Variants in SOX6 observed in about 807,000 individuals in gnomAD.
SOX6 encodes the protein SRY-box transcription factor 6.
A neutral mutation model predicts 97.8 loss-of-function variants in SOX6; 11 were observed. The ratio of observed to expected loss-of-function variants is 0.11; its 90% CI spans 0.07 to 0.19. The LOEUF (loss-of-function observed/expected upper bound fraction) is 0.19, where lower values mean the gene tolerates loss of function less well. Ranked by LOEUF, SOX6 falls within the 10% of genes least tolerant of loss-of-function variation. SOX6 has a pLI of 1.00. For synonymous variants in SOX6, 360 were observed against 371.4 expected, an observed-to-expected ratio of 0.97 and a Z score of 0.35; for missense variants, 810 against 1,039.5, an observed-to-expected ratio of 0.78 and a Z score of 3.04.
chr11:16,029,917 T>C (rs1404400603), intron 12 of SOX6, among the ~76,000 whole-genome samples: 1 of 152,164 alleles, frequency 6.6e-6, no homozygotes, highest in African/African-American at 2.4e-5. Flanking sequence ...AAGAAGTGTA[T>C]AACCTAGGAA....
intron 7 of SOX6, among the ~76,000 whole-genome samples, chr11:16,110,133 G>T (rs1323721073): frequency 6.6e-6 from 1 of 152,090 alleles, no homozygotes; most frequent in Non-Finnish European, 1.5e-5. Context: ...ACAAAATTAG[G>T]TAAGCAAGAT....
At chr11:16,205,930 G>A (rs1852059884) in intron 4 of SOX6, among the ~76,000 whole-genome samples, 1 of 151,920 alleles carries the variant, frequency 6.6e-6, no homozygotes, top group Admixed American at 6.6e-5. Context: ...CTTCTAGTTT[G>A]GGTTACAATG....
In SOX6 at chr11:15,972,620, A is replaced by G. The variant is rs1411172699; in HGVS notation, c.*189T>C. 3 of 634,558 alleles carry G rather than the reference A, an allele frequency of 4.7e-6. No individual in the cohort carries two copies. In the African/African-American group the frequency reaches 5.5e-5, roughly 12 times the overall value. The allele number at this position is 634,558 out of a possible 1,614,324, so 39.3% of individuals were successfully genotyped here. A position where few individuals can be genotyped will look rare whatever the true frequency, so the allele number is the denominator to read the frequency against. On this transcript the variant is annotated 3_prime_UTR_variant, in exon 16 of 16. Coordinates refer to ENST00000683767, the MANE Select transcript of SOX6 (RefSeq NM_001367873.1). ...AAAAACAACAACAACAACAATAACA[A>G]TAACAACAAAAAACTCAAGTTCATG...
At chr11:16,591,162 A>G (rs1848145417) in intron 4 of SOX6, among the ~76,000 whole-genome samples, 1 of 152,106 alleles carries the variant, frequency 6.6e-6, no homozygotes, top group African/African-American at 2.4e-5. Context: ...TAAACATGAG[A>G]ATTGTTTGCA....
intron 4 of SOX6, among the ~76,000 whole-genome samples, chr11:16,500,304 C>T (rs1240386462): frequency 1.3e-5 from 2 of 152,230 alleles, no homozygotes; most frequent in African/African-American, 4.8e-5. Context: ...ATTCATGGGA[C>T]ATATCTCAAA....
chr11:16,167,527 G>A (rs887761606), intron 6 of SOX6, among the ~76,000 whole-genome samples: 1 of 152,008 alleles, frequency 6.6e-6, no homozygotes, highest in Non-Finnish European at 1.5e-5. Context: ...TCCTTACAAC[G>A]ATGTAAAAGA....
chr11:16,329,221 T>C (rs2134320748), intron 2 of SOX6, among the ~76,000 whole-genome samples: 1 of 152,224 alleles, frequency 6.6e-6, no homozygotes, highest in East Asian at 1.9e-4. Context: ...GTTATTTCAA[T>C]TCCCAGAAAA....
chr11:16,260,291 T>C (rs1853845365), intron 3 of SOX6, among the ~76,000 whole-genome samples: 1 of 152,140 alleles, frequency 6.6e-6, no homozygotes, highest in Non-Finnish European at 1.5e-5. Flanking sequence ...TGAGCCACTG[T>C]GCCCGGGCCA....
intron 1 of SOX6, among the ~76,000 whole-genome samples, chr11:16,441,269 C>G (rs929501188): frequency 6.6e-6 from 1 of 152,168 alleles, no homozygotes; most frequent in African/African-American, 2.4e-5. Context: ...ATTAATAAAA[C>G]TAATAAATGT....
At chr11:16,693,909 T>C (rs183327154) in intron 3 of SOX6, among the ~76,000 whole-genome samples, 69 of 152,308 alleles carry the variant, frequency 4.5e-4, no homozygotes, top group Admixed American at 1.2e-3. Flanking sequence ...ATGGCATCAA[T>C]TTCAATATTT....
intron 4 of SOX6, among the ~76,000 whole-genome samples, chr11:16,210,395 A>G (rs1337479737): frequency 1.3e-5 from 2 of 152,216 alleles, no homozygotes; most frequent in South Asian, 4.1e-4. Flanking sequence ...ACAAAAGACC[A>G]CATATATAAT....
intron 13 of SOX6, among the ~76,000 whole-genome samples, 191 bp from the exon 14 acceptor site, chr11:15,989,421 A>T (rs1340197985): frequency 6.6e-6 from 1 of 152,166 alleles, no homozygotes; most frequent in Admixed American, 6.5e-5. Flanking sequence ...TCAAAGACAC[A>T]CTAAGAATTA....
At chr11:16,047,701 CGTGTGTGTGTGTGTGT>C (rs68008241) in intron 11 of SOX6, among the ~76,000 whole-genome samples, 10 of 145,922 alleles carry the variant, frequency 6.9e-5, no homozygotes, top group African/African-American at 1.0e-4. Context: ...CATTTCATAG[CGTGTGTGTGTGTGTGT>C]GTGTGTGTGT....
chr11:16,692,088 TGCGCGC>T lies in SOX6; in HGVS notation n.429+22736_429+22741del, dbSNP rs75817806. ...GTGTGTGTGTGTGTGTGTGTGTGTG[TGCGCGC>T]GCGCGCTTTCTGAGTCTTGCTCTGT... On this transcript the variant is annotated intron_variant and non_coding_transcript_variant, in intron 3 of 5. Transcript: ENST00000524520. Among the ~76,000 whole-genome samples, 721 of 144,948 alleles carry T rather than the reference TGCGCGC, an allele frequency of 5.0e-3. 5 individuals are homozygous for T. The highest frequency in any genetic ancestry group is 0.013 in the African/African-American group (486 of 37,350).
chr11:16,055,357 T>C (rs1413668063), intron 10 of SOX6, among the ~76,000 whole-genome samples: 2 of 152,132 alleles, frequency 1.3e-5, no homozygotes, highest in Non-Finnish European at 2.9e-5. Context: ...AAATCTAATG[T>C]TTCAATATCC....
chr11:16,433,853 T>C (rs1197582885), intron 1 of SOX6, among the ~76,000 whole-genome samples: 1 of 152,016 alleles, frequency 6.6e-6, no homozygotes, highest in East Asian at 1.9e-4. Flanking sequence ...CGCTTCAGAG[T>C]GCCTTGTATA....
At chr11:16,254,496 T>A (rs1359137298) in intron 3 of SOX6, among the ~76,000 whole-genome samples, 2 of 152,024 alleles carry the variant, frequency 1.3e-5, no homozygotes, top group Admixed American at 6.6e-5. Context: ...ATAGAGGAAT[T>A]CAGAATATTT....
chr11:16,362,904 T>G (rs1407982489), intron 1 of SOX6, among the ~76,000 whole-genome samples: 1 of 152,162 alleles, frequency 6.6e-6, no homozygotes, highest in African/African-American at 2.4e-5. Context: ...ACACAGGATA[T>G]ACCTGTGATA....
chr11:16,118,729 C>T (rs1849415697), intron 6 of SOX6, among the ~76,000 whole-genome samples: 1 of 152,118 alleles, frequency 6.6e-6, no homozygotes, highest in South Asian at 2.1e-4. Flanking sequence ...ACTCAGGGGG[C>T]TCATTTTCTC....
Sources: allele counts gnomAD v4.1 joint callset (sites outside exome capture counted in the v4.1 genomes callset), GRCh38; gene constraint gnomAD v4.1.1; transcripts MANE v1.5; gene names NCBI Gene and HGNC (gene_info 2026-07-23, HGNC 2026-07-21).